Variants in HEMK2 observed in about 807,000 individuals in gnomAD.
HEMK2 encodes the protein HemK methyltransferase 2, ETF1 glutamine and histone H4 lysine, also known as methyltransferase HEMK2.
At chr21:28,755,240 C>G in the HEMK2 span, among the ~76,000 whole-genome samples, 1 of 152,158 alleles carries the variant, frequency 6.6e-6, no homozygotes, top group African/African-American at 2.4e-5. Flanking sequence ...GGAAGGGTAT[C>G]ATTTCTGTGA....
At chr21:28,577,780 A>T in the HEMK2 span, among the ~76,000 whole-genome samples, 27 of 152,314 alleles carry the variant, frequency 1.8e-4, no homozygotes, top group Non-Finnish European at 2.8e-4. Flanking sequence ...TATTTGATAA[A>T]TCTGACACCC....
the HEMK2 span, among the ~76,000 whole-genome samples, chr21:28,646,608 G>A: frequency 6.6e-6 from 1 of 152,312 alleles, no homozygotes; most frequent in Admixed American, 6.5e-5. Flanking sequence ...TCAGTCAGAT[G>A]GCCTTATTTG....
At chr21:28,751,783 G>A in the HEMK2 span, among the ~76,000 whole-genome samples, 3 of 152,166 alleles carry the variant, frequency 2.0e-5, no homozygotes, top group African/African-American at 7.2e-5. Context: ...GGGTTCAAAC[G>A]ATTCTCCTGC....
At chr21:28,802,943 G>T in the HEMK2 span, among the ~76,000 whole-genome samples, 2 of 152,126 alleles carry the variant, frequency 1.3e-5, no homozygotes, top group Middle Eastern at 6.8e-3. Flanking sequence ...CATAAGTTGT[G>T]GGACTCTGAG....
chr21:28,628,043 C>T, the HEMK2 span, among the ~76,000 whole-genome samples: 1 of 152,162 alleles, frequency 6.6e-6, no homozygotes, highest in Non-Finnish European at 1.5e-5. Context: ...CTCCAACCCT[C>T]AGGAGTGTAC....
At chr21:28,646,636 T>A in the HEMK2 span, among the ~76,000 whole-genome samples, 2 of 152,202 alleles carry the variant, frequency 1.3e-5, no homozygotes, top group Non-Finnish European at 2.9e-5. Flanking sequence ...TCATATAGCA[T>A]CAGTCAGGTG....
the HEMK2 span, among the ~76,000 whole-genome samples, chr21:28,644,584 T>C: frequency 6.6e-6 from 1 of 152,194 alleles, no homozygotes; most frequent in South Asian, 2.1e-4. Context: ...CTTATGTTTC[T>C]TCACTCTGCT....
At chr21:28,821,462 T>C in the HEMK2 span, among the ~76,000 whole-genome samples, 1 of 152,208 alleles carries the variant, frequency 6.6e-6, no homozygotes, top group African/African-American at 2.4e-5. Flanking sequence ...AATAGATACT[T>C]AGTAAATTCT....
chr21:28,851,119 C>G, the HEMK2 span, among the ~76,000 whole-genome samples: 1 of 152,186 alleles, frequency 6.6e-6, no homozygotes, highest in African/African-American at 2.4e-5. Flanking sequence ...CATTCAGTTT[C>G]TACCAAAGCC....
chr21:28,863,204 A>C, the HEMK2 span, among the ~76,000 whole-genome samples: 2 of 151,734 alleles, frequency 1.3e-5, no homozygotes, highest in African/African-American at 4.8e-5. Flanking sequence ...GCTAGAATAT[A>C]AGCAGGCAGA....
At chr21:28,598,862 C>T in the HEMK2 span, among the ~76,000 whole-genome samples, 382 of 152,286 alleles carry the variant, frequency 2.5e-3, 3 homozygotes, top group African/African-American at 8.1e-3. Context: ...CCACAGAATC[C>T]AGCCTGAGTA....
At chr21:28,692,810 T>C in the HEMK2 span, among the ~76,000 whole-genome samples, 1 of 152,160 alleles carries the variant, frequency 6.6e-6, no homozygotes, top group East Asian at 1.9e-4. Flanking sequence ...CAAGAGGCTA[T>C]TATTCTACAA....
At chr21:28,840,263 T>C in the HEMK2 span, among the ~76,000 whole-genome samples, 2 of 152,212 alleles carry the variant, frequency 1.3e-5, no homozygotes, top group Non-Finnish European at 2.9e-5. Flanking sequence ...ATAAAAATTC[T>C]AGAAGATAAC....
chr21:28,642,992 G>T, the HEMK2 span, among the ~76,000 whole-genome samples: 4 of 152,170 alleles, frequency 2.6e-5, no homozygotes. Flanking sequence ...TAAGGGTGGG[G>T]TTTAGCCGGG....
At chr21:28,797,635 A>G in the HEMK2 span, among the ~76,000 whole-genome samples, 2 of 151,838 alleles carry the variant, frequency 1.3e-5, no homozygotes, top group Non-Finnish European at 1.5e-5. Context: ...AAAATGAGAA[A>G]CCTAGAGACT....
the HEMK2 span, among the ~76,000 whole-genome samples, chr21:28,835,697 G>C: frequency 6.6e-6 from 1 of 152,114 alleles, no homozygotes; most frequent in African/African-American, 2.4e-5. Context: ...ATAAGGGAGG[G>C]ACCAGAGAAA....
the HEMK2 span, among the ~76,000 whole-genome samples, chr21:28,813,709 G>A: frequency 6.6e-6 from 1 of 152,092 alleles, no homozygotes; most frequent in Admixed American, 6.6e-5. Flanking sequence ...AAAACAGCAG[G>A]TACTGGTACC....
At chr21:28,752,901 A>G in the HEMK2 span, among the ~76,000 whole-genome samples, 3 of 152,326 alleles carry the variant, frequency 2.0e-5, no homozygotes, top group South Asian at 6.2e-4. Context: ...GATGTGGGGC[A>G]GGTATCAACG....
the HEMK2 span, among the ~76,000 whole-genome samples, chr21:28,594,288 T>C: frequency 6.6e-6 from 1 of 152,022 alleles, no homozygotes; most frequent in Non-Finnish European, 1.5e-5. Flanking sequence ...AATTCAGAGA[T>C]AGAGAAAGGA....
Sources: allele counts gnomAD v4.1 joint callset (sites outside exome capture counted in the v4.1 genomes callset), GRCh38; gene constraint gnomAD v4.1.1; transcripts MANE v1.5; gene names NCBI Gene and HGNC (gene_info 2026-07-23, HGNC 2026-07-21).